LRBA: variants seen among roughly 807,000 people sequenced by gnomAD.
The protein encoded by LRBA is lipopolysaccharide-responsive and beige-like anchor protein.
Under a neutral mutation model 330.0 loss-of-function variants are expected in LRBA, and 176 were observed. The observed-to-expected ratio is 0.53, with a 90% CI of 0.47 to 0.60. LRBA has a LOEUF of 0.60. Ranked by LOEUF, LRBA falls within the 20% of genes least tolerant of loss-of-function variation. The pLI, the probability that LRBA is intolerant of heterozygous loss-of-function variation, is 0.00. For synonymous variants in LRBA, 1,230 were observed against 1,193.0 expected, an observed-to-expected ratio of 1.03 and a Z score of -0.64; for missense variants, 3,259 against 3,444.8, an observed-to-expected ratio of 0.95 and a Z score of 1.35.
intron 34 of LRBA, among the ~76,000 whole-genome samples, chr4:150,776,420 G>A (rs565711280): frequency 1.1e-4 from 16 of 152,290 alleles, no homozygotes; most frequent in African/African-American, 3.6e-4. Context: ...ATCAATCACG[G>A]GGAAGAGGGG....
chr4:150,994,848 G>T (rs1184876369), intron 2 of LRBA, among the ~76,000 whole-genome samples: 1 of 152,144 alleles, frequency 6.6e-6, no homozygotes, highest in Admixed American at 6.5e-5. Flanking sequence ...TTTTTCATGA[G>T]TGGCTGAGCT....
intron 20 of LRBA, among the ~76,000 whole-genome samples, chr4:150,868,736 G>A (rs1043962065): frequency 1.3e-5 from 2 of 152,048 alleles, no homozygotes; most frequent in Non-Finnish European, 1.5e-5. Flanking sequence ...TCAGGAGTTC[G>A]AGAGCGGCCT....
intron 36 of LRBA, among the ~76,000 whole-genome samples, chr4:150,728,483 A>G (rs1475090996): frequency 6.6e-6 from 1 of 152,152 alleles, no homozygotes; most frequent in Non-Finnish European, 1.5e-5. Context: ...AATACATTAA[A>G]AAGGTCATTA....
In LRBA at chr4:150,867,881, G is replaced by A; in HGVS notation, c.2574-18C>T. The A allele has an allele frequency of 1.3e-6, 2 of 1,565,270 alleles. No homozygotes were observed. The highest frequency in any genetic ancestry group is 1.7e-6 in the Non-Finnish European group (2 of 1,153,580). On this transcript the variant is annotated intron_variant, in intron 21 of 56. Transcript: ENST00000651943. Reference sequence around the variant, plus strand: ...GCAAGCTCCTGAAAATTATGAGAGGGTACTAAATTACTGAAGAAAAAAAAA... The same window carrying A: ...GCAAGCTCCTGAAAATTATGAGAGGATACTAAATTACTGAAGAAAAAAAAA...
intron 50 of LRBA, among the ~76,000 whole-genome samples, chr4:150,316,870 A>G (rs1457694141): frequency 6.6e-6 from 1 of 152,072 alleles, no homozygotes; most frequent in African/African-American, 2.4e-5. Flanking sequence ...TGGGGTTCCT[A>G]TCTTTATGGG....
At chr4:150,922,865 T>C (rs1352324817) in intron 4 of LRBA, among the ~76,000 whole-genome samples, 1 of 152,226 alleles carries the variant, frequency 6.6e-6, no homozygotes. Flanking sequence ...ATGGTATTAT[T>C]ATGATTATCC....
intron 37 of LRBA, among the ~76,000 whole-genome samples, chr4:150,661,215 A>C (rs1412870119): frequency 1.3e-5 from 2 of 152,112 alleles, no homozygotes; most frequent in African/African-American, 2.4e-5. Flanking sequence ...TCACACCTGT[A>C]ATCCCAGCAA....
intron 35 of LRBA, among the ~76,000 whole-genome samples, chr4:150,760,942 A>T (rs1734988152): frequency 6.6e-6 from 1 of 152,194 alleles, no homozygotes; most frequent in South Asian, 2.1e-4. Context: ...AGAGATAGAG[A>T]GCAAACCTTG....
At chr4:150,734,590 T>C (rs185340922) in intron 36 of LRBA, among the ~76,000 whole-genome samples, 37 of 152,314 alleles carry the variant, frequency 2.4e-4, no homozygotes, top group African/African-American at 8.2e-4. Flanking sequence ...GCAAATGTAC[T>C]ACTTGTCAAA....
intron 37 of LRBA, among the ~76,000 whole-genome samples, chr4:150,618,384 A>C (rs1204890278): frequency 6.6e-6 from 1 of 152,194 alleles, no homozygotes; most frequent in African/African-American, 2.4e-5. Flanking sequence ...TTAGTAAATG[A>C]GGATTATGCA....
chr4:150,467,098 A>ATTTTTC (rs1408469847), intron 44 of LRBA, among the ~76,000 whole-genome samples: 10 of 152,230 alleles, frequency 6.6e-5, no homozygotes, highest in African/African-American at 2.4e-4. Flanking sequence ...CCCAGTAATA[A>ATTTTTC]CTTCAAGAAG....
intron 17 of LRBA, among the ~76,000 whole-genome samples, chr4:150,880,918 C>G (rs1728308770): frequency 6.6e-6 from 1 of 152,076 alleles, no homozygotes; most frequent in African/African-American, 2.4e-5. Context: ...TACAAGCAGG[C>G]AACAAACATA....
intron 28 of LRBA, among the ~76,000 whole-genome samples, chr4:150,839,836 T>C (rs1307583297): frequency 6.6e-6 from 1 of 151,716 alleles, no homozygotes; most frequent in East Asian, 1.9e-4. Flanking sequence ...TGGATACATA[T>C]GTAACAAACC....
intron 2 of LRBA, among the ~76,000 whole-genome samples, chr4:150,934,645 G>A (rs1245929712): frequency 6.6e-6 from 1 of 152,160 alleles, no homozygotes; most frequent in Non-Finnish European, 1.5e-5. Flanking sequence ...GCAAAGGTGG[G>A]TGGATCACCT....
chr4:150,662,872 A>G (rs4235250), intron 37 of LRBA, among the ~76,000 whole-genome samples: 123,667 of 152,102 alleles, frequency 0.81, 53,371 homozygotes, highest in Non-Finnish European at 0.95. Context: ...CAAGAGAATC[A>G]TTTGACCCCA....
intron 37 of LRBA, among the ~76,000 whole-genome samples, chr4:150,647,501 G>A (rs933800014): frequency 2.0e-5 from 3 of 150,310 alleles, no homozygotes; most frequent in Non-Finnish European, 3.0e-5. Context: ...AGGGACCACA[G>A]GTGCATACCA....
At chr4:150,610,424 C>A (rs1310703805) in intron 37 of LRBA, among the ~76,000 whole-genome samples, 1 of 152,066 alleles carries the variant, frequency 6.6e-6, no homozygotes, top group Non-Finnish European at 1.5e-5. Context: ...CTCGTCTCTA[C>A]TAAAGACATA....
intron 53 of LRBA, among the ~76,000 whole-genome samples, chr4:150,294,891 C>T (rs1728774421): frequency 6.6e-6 from 1 of 151,992 alleles, no homozygotes; most frequent in Non-Finnish European, 1.5e-5. Context: ...GTGGAGGTTG[C>T]AGTGAGCCAA....
chr4:150,273,655 G>T (rs906535313), intron 56 of LRBA, among the ~76,000 whole-genome samples: 2 of 151,922 alleles, frequency 1.3e-5, no homozygotes, highest in African/African-American at 2.4e-5. Flanking sequence ...AAAAAGCAGG[G>T]TTGCAATCCT....
Sources: allele counts gnomAD v4.1 joint callset (sites outside exome capture counted in the v4.1 genomes callset), GRCh38; gene constraint gnomAD v4.1.1; transcripts MANE v1.5; gene names NCBI Gene and HGNC (gene_info 2026-07-23, HGNC 2026-07-21).